DCC: variants seen among roughly 807,000 people sequenced by gnomAD.
The protein encoded by DCC is DCC netrin 1 receptor.
DCC carries 58 observed loss-of-function variants against 172.5 expected under a neutral mutation model. The ratio of observed to expected loss-of-function variants is 0.34; its 90% CI spans 0.27 to 0.42. The LOEUF is 0.42. DCC is among the 10% of genes least tolerant of loss of function. The pLI, the probability that DCC is intolerant of heterozygous loss-of-function variation, is 1.00. For missense variants in DCC, 1,740 were observed against 1,791.0 expected (o/e 0.97, Z 0.51); for synonymous variants, 709 against 644.5 (o/e 1.10, Z -1.52).
intron 7 of DCC, among the ~76,000 whole-genome samples, chr18:53,085,546 C>T (rs1000838227): frequency 6.6e-6 from 1 of 152,006 alleles, no homozygotes; most frequent in African/African-American, 2.4e-5. Flanking sequence ...CTTAAAAATC[C>T]TACAGGGTAT....
chr18:53,477,400 C>T (rs182066527), intron 25 of DCC, among the ~76,000 whole-genome samples: 1 of 152,222 alleles, frequency 6.6e-6, no homozygotes, highest in Non-Finnish European at 1.5e-5. Context: ...AATTTTGTAT[C>T]TGTATCTTGG....
intron 5 of DCC, among the ~76,000 whole-genome samples, chr18:53,058,028 T>G (rs765133564): frequency 6.6e-6 from 1 of 151,990 alleles, no homozygotes; most frequent in Non-Finnish European, 1.5e-5. Context: ...GTGAGCTGCT[T>G]CTTGGAGAAT....
chr18:52,954,518 A>G (rs2040709617), intron 5 of DCC, among the ~76,000 whole-genome samples: 1 of 152,192 alleles, frequency 6.6e-6, no homozygotes, highest in Non-Finnish European at 1.5e-5. Flanking sequence ...GCAAGAAACA[A>G]CATATTTTGC....
chr18:53,378,273 C>T (rs1907456496), intron 15 of DCC, among the ~76,000 whole-genome samples: 2 of 152,158 alleles, frequency 1.3e-5, no homozygotes, highest in Admixed American at 1.3e-4. Context: ...TTTAAACCTC[C>T]AACACAATTT....
At chr18:52,672,011 T>G (rs1280430761) in intron 1 of DCC, among the ~76,000 whole-genome samples, 1 of 152,204 alleles carries the variant, frequency 6.6e-6, no homozygotes, top group African/African-American at 2.4e-5. Context: ...TGTTAGATTC[T>G]CCCTATCTCC....
intron 5 of DCC, among the ~76,000 whole-genome samples, chr18:53,000,893 C>T (rs930132926): frequency 1.3e-5 from 2 of 152,002 alleles, no homozygotes; most frequent in African/African-American, 2.4e-5. Context: ...TATTACTCAT[C>T]ACTTCCTAAT....
chr18:52,986,737 C>CAT (rs1473476004), intron 5 of DCC, among the ~76,000 whole-genome samples: 1 of 151,690 alleles, frequency 6.6e-6, no homozygotes, highest in African/African-American at 2.4e-5. Flanking sequence ...TACACACACA[C>CAT]ATATATATAC....
intron 25 of DCC, among the ~76,000 whole-genome samples, chr18:53,476,440 T>C (rs1324846471): frequency 2.0e-5 from 3 of 152,144 alleles, no homozygotes; most frequent in African/African-American, 7.2e-5. Context: ...CATGCTGTTC[T>C]CATGATAGTG....
At chr18:53,221,484 T>G (rs573700117) in intron 12 of DCC, among the ~76,000 whole-genome samples, 2 of 152,300 alleles carry the variant, frequency 1.3e-5, no homozygotes, top group South Asian at 4.1e-4. Context: ...CATGTTTTCT[T>G]ACCCAACTGT....
chr18:52,998,711 G>A (rs1297455287), intron 5 of DCC, among the ~76,000 whole-genome samples: 2 of 152,022 alleles, frequency 1.3e-5, no homozygotes, highest in African/African-American at 2.4e-5. Context: ...TGTCAACAAT[G>A]ATCCTTGCTT....
intron 2 of DCC, among the ~76,000 whole-genome samples, chr18:52,814,631 C>T (rs779273644): frequency 1.5e-4 from 23 of 152,128 alleles, no homozygotes; most frequent in Middle Eastern, 3.2e-3. Flanking sequence ...AAATGTAATA[C>T]GCTTCCTCCC....
At chr18:52,825,227 G>A (rs972113768) in intron 2 of DCC, among the ~76,000 whole-genome samples, 1 of 152,164 alleles carries the variant, frequency 6.6e-6, no homozygotes, top group African/African-American at 2.4e-5. Context: ...TCAGCTACAT[G>A]ATATTGGTCA....
At chr18:52,563,659 TTAAA>T (rs1276757904) in intron 1 of DCC, among the ~76,000 whole-genome samples, 1 of 152,190 alleles carries the variant, frequency 6.6e-6, no homozygotes, top group African/African-American at 2.4e-5. Context: ...CCACTTGTCA[TTAAA>T]TAGAGTATAC....
rs1457854043 is a variant in DCC, at chr18:52,478,122, G to A, written c.91+137244G>A. Among the ~76,000 whole-genome samples the A allele has an allele frequency of 2.6e-5, 4 of 152,082 alleles. 1 individual carries two copies. In the South Asian group the frequency reaches 8.3e-4, roughly 32 times the overall value. On this transcript the variant is annotated intron_variant, in intron 1 of 28. Transcript: ENST00000442544. The stretch of plus-strand genomic sequence containing the variant: ...ACCAGGTCCGGTCCCTGGTCTATAT[G>A]TATATCCTGGGTTACAATCCTACAT...
chr18:52,903,332 G>A (rs2039836435), intron 2 of DCC, among the ~76,000 whole-genome samples: 1 of 152,096 alleles, frequency 6.6e-6, no homozygotes, highest in South Asian at 2.1e-4. Context: ...AGCCTCCCGA[G>A]TAGCTGGGAC....
intron 2 of DCC, among the ~76,000 whole-genome samples, chr18:52,869,212 C>G (rs112971935): frequency 2.0e-4 from 31 of 152,314 alleles, no homozygotes; most frequent in Admixed American, 9.2e-4. Flanking sequence ...GAATAAGTTG[C>G]GCAGACAAGT....
At chr18:52,601,237 C>T (rs1477368992) in intron 1 of DCC, among the ~76,000 whole-genome samples, 2 of 151,882 alleles carry the variant, frequency 1.3e-5, no homozygotes, top group Non-Finnish European at 2.9e-5. Context: ...TATTTGCATG[C>T]CTACCTACAA....
intron 2 of DCC, among the ~76,000 whole-genome samples, chr18:52,808,240 T>C (rs1011474291): frequency 6.6e-6 from 1 of 152,216 alleles, no homozygotes; most frequent in Non-Finnish European, 1.5e-5. Flanking sequence ...TTGTTCTGGA[T>C]TTTTGAATCA....
At chr18:52,897,990 G>A (rs1379278748) in intron 2 of DCC, among the ~76,000 whole-genome samples, 1 of 152,210 alleles carries the variant, frequency 6.6e-6, no homozygotes, top group Non-Finnish European at 1.5e-5. Context: ...TAATTCTAGA[G>A]AATGTCTCTT....
Sources: gnomAD v4.1 joint callset for allele counts (sites outside exome capture counted in the v4.1 genomes callset) on GRCh38, gnomAD v4.1.1 for gene constraint, MANE v1.5 for transcripts, NCBI Gene and HGNC (gene_info 2026-07-23, HGNC 2026-07-21) for gene names.